Variants in DPP10 observed in about 807,000 individuals in gnomAD.
DPP10 encodes the protein dipeptidyl peptidase like 10.
DPP10 carries 33 observed loss-of-function variants against 120.9 expected under a neutral mutation model. The observed-to-expected ratio is 0.27, with a 90% CI of 0.21 to 0.37. DPP10 has a LOEUF of 0.37. Ranked by LOEUF, DPP10 falls within the 10% of genes least tolerant of loss-of-function variation. DPP10 has a pLI of 1.00. For missense variants in DPP10, 816 were observed against 942.8 expected (o/e 0.87, Z 1.76); for synonymous variants, 337 against 326.1 (o/e 1.03, Z -0.36).
intron 7 of DPP10, among the ~76,000 whole-genome samples, chr2:115,714,129 G>A (rs1231388381): frequency 6.6e-6 from 1 of 152,062 alleles, no homozygotes; most frequent in Non-Finnish European, 1.5e-5. Flanking sequence ...TCCACCAAAG[G>A]CTGATGTGAA....
chr2:114,559,021 G>A (rs1018681749), intron 1 of DPP10, among the ~76,000 whole-genome samples: 6 of 152,010 alleles, frequency 3.9e-5, no homozygotes, highest in Non-Finnish European at 7.4e-5. Context: ...TCTCCATGTC[G>A]ACATACGTGT....
intron 1 of DPP10, among the ~76,000 whole-genome samples, chr2:114,523,082 G>C (rs1481874803): frequency 6.6e-6 from 1 of 152,196 alleles, no homozygotes; most frequent in Non-Finnish European, 1.5e-5. Flanking sequence ...GGGTACCATG[G>C]TTATTGAGTG....
intron 1 of DPP10, among the ~76,000 whole-genome samples, chr2:115,163,974 C>G (rs1000583122): frequency 6.6e-6 from 1 of 152,178 alleles, no homozygotes; most frequent in Non-Finnish European, 1.5e-5. Flanking sequence ...AAGCTCGAAT[C>G]CATTTTTCTT....
intron 1 of DPP10, among the ~76,000 whole-genome samples, chr2:114,579,296 C>T (rs1316708992): frequency 2.0e-5 from 3 of 152,292 alleles, no homozygotes; most frequent in South Asian, 2.1e-4. Context: ...AACTGCTCAG[C>T]GCCCACAGCT....
intron 5 of DPP10, among the ~76,000 whole-genome samples, chr2:115,542,694 T>G (rs1314690860): frequency 7.0e-6 from 1 of 142,384 alleles, no homozygotes; most frequent in African/African-American, 2.6e-5. Flanking sequence ...GAGATGACAT[T>G]AAAAAAAAAA....
intron 2 of DPP10, among the ~76,000 whole-genome samples, chr2:115,336,290 C>T (rs745537030): frequency 3.3e-5 from 5 of 151,882 alleles, no homozygotes; most frequent in East Asian, 1.9e-4. Context: ...AAGAACATGG[C>T]GTGAATTATT....
chr2:114,943,446 A>G (rs995844685), intron 1 of DPP10, among the ~76,000 whole-genome samples: 2 of 151,820 alleles, frequency 1.3e-5, no homozygotes, highest in African/African-American at 4.8e-5. Flanking sequence ...GCTAATTTTT[A>G]TATTCTTAGT....
chr2:114,804,182 GC>G, intron 1 of DPP10, among the ~76,000 whole-genome samples: 1 of 152,370 alleles, frequency 6.6e-6, no homozygotes, highest in African/African-American at 2.4e-5. Flanking sequence ...GGCTGTGGGG[GC>G]ACAGAAGTCA....
At chr2:115,137,765 C>G (rs897005826) in intron 1 of DPP10, among the ~76,000 whole-genome samples, 9 of 152,098 alleles carry the variant, frequency 5.9e-5, no homozygotes, top group African/African-American at 1.7e-4. Flanking sequence ...GAAGGCAGGG[C>G]GTAGAGAATG....
rs1369305954 is a variant in DPP10, at chr2:115,468,181, A to C, written c.272-31329A>C. ...TGGATCAGTACATCTGGAAAAGGAA[A>C]AGTGATGGCATCTATATCCTAAATC... On this transcript the variant is annotated intron_variant, in intron 3 of 25. Transcript: ENST00000410059. 1.4e-5 allele frequency: 7 copies of C among 492,748 alleles called. No individual in the cohort carries two copies. In the East Asian group the frequency reaches 3.9e-4, roughly 27 times the overall value. 30.5% of individuals were successfully genotyped at this position (492,748 alleles called of 1,614,324 possible).
intron 1 of DPP10, among the ~76,000 whole-genome samples, chr2:114,445,447 A>C (rs1337481973): frequency 6.6e-6 from 1 of 152,132 alleles, no homozygotes; most frequent in Admixed American, 6.6e-5. Flanking sequence ...TACGGCTAAA[A>C]AGAATGCAAT....
intron 5 of DPP10, among the ~76,000 whole-genome samples, chr2:115,540,466 G>A (rs1031856238): frequency 9.2e-5 from 14 of 151,714 alleles, no homozygotes; most frequent in African/African-American, 2.9e-4. Context: ...TGTCTATATT[G>A]GGAGAAAATA....
chr2:114,846,954 C>T (rs1688592253), intron 1 of DPP10, among the ~76,000 whole-genome samples: 1 of 152,104 alleles, frequency 6.6e-6, no homozygotes, highest in African/African-American at 2.4e-5. Context: ...TAAATTCTTT[C>T]ATTAGCATCA....
chr2:114,443,656 G>T lies in DPP10; in HGVS notation c.60+818G>T, dbSNP rs551655757. Among the ~76,000 whole-genome samples, 4 of 150,264 alleles carry T rather than the reference G, an allele frequency of 2.7e-5. No homozygotes were observed. The South Asian group carries it at 8.4e-4, about 32-fold the overall frequency. ...GTATTATTATCTATGTGGATATTTT[G>T]CATCTTGAGGGAAAGTGATGGATTC... On this transcript the variant is annotated intron_variant, in intron 1 of 25. Transcript: ENST00000410059.
At chr2:115,016,290 C>T (rs1702631122) in intron 1 of DPP10, among the ~76,000 whole-genome samples, 1 of 152,154 alleles carries the variant, frequency 6.6e-6, no homozygotes, top group Non-Finnish European at 1.5e-5. Context: ...TTTTGGAAAA[C>T]TGGCTAGCCA....
chr2:115,819,532 G>A, intron 21 of DPP10, among the ~76,000 whole-genome samples: 1 of 150,660 alleles, frequency 6.6e-6, no homozygotes, highest in Non-Finnish European at 1.5e-5. Context: ...TCTTTTTTTT[G>A]TTCAGTGAAC....
chr2:114,753,317 C>T (rs1252129580), intron 1 of DPP10, among the ~76,000 whole-genome samples: 4 of 152,134 alleles, frequency 2.6e-5, no homozygotes, highest in Non-Finnish European at 5.9e-5. Context: ...CTTTTTGCCC[C>T]AATGAGTTTA....
At chr2:114,965,147 C>CT (rs1177878159) in intron 1 of DPP10, among the ~76,000 whole-genome samples, 1 of 151,672 alleles carries the variant, frequency 6.6e-6, no homozygotes, top group Middle Eastern at 3.4e-3. Flanking sequence ...TTCTTTCTTT[C>CT]TTTTTTTTGG....
chr2:115,019,104 G>A (rs1008044638), intron 1 of DPP10, among the ~76,000 whole-genome samples: 8 of 143,198 alleles, frequency 5.6e-5, no homozygotes, highest in African/African-American at 1.0e-4. Context: ...CAGCTTCACC[G>A]ACACCAAGCC....
Sources: gnomAD v4.1 joint callset for allele counts (sites outside exome capture counted in the v4.1 genomes callset) on GRCh38, gnomAD v4.1.1 for gene constraint, MANE v1.5 for transcripts, NCBI Gene and HGNC (gene_info 2026-07-23, HGNC 2026-07-21) for gene names.